EIF2AK2: variants seen among roughly 807,000 people sequenced by gnomAD.
EIF2AK2 encodes the protein eukaryotic translation initiation factor 2 alpha kinase 2.
A neutral mutation model predicts 70.5 loss-of-function variants in EIF2AK2; 40 were observed. That is an observed-to-expected ratio of 0.57 (90% CI 0.44 to 0.74). EIF2AK2 has a LOEUF of 0.74. Among genes scored for constraint, EIF2AK2 ranks in the 30% least tolerant of loss-of-function variants. The pLI is 0.00. For missense variants in EIF2AK2, 555 were observed against 644.3 expected (o/e 0.86, Z 1.50); for synonymous variants, 198 against 220.9 (o/e 0.90, Z 0.92).
At chr2:37,114,651 T>C in intron 14 of EIF2AK2, 80 bp downstream of exon 14, 1 of 1,290,092 alleles carries the variant, frequency 7.8e-7, no homozygotes, top group Non-Finnish European at 1.0e-6. Context: ...ACAGTTTTAA[T>C]TATATAAGTA....
Position 37,122,393 on chromosome 2 carries a change from G to A in EIF2AK2, c.1067+113C>T. The A allele has an allele frequency of 2.6e-6, 3 of 1,161,844 alleles. 1 individual carries two copies. The East Asian group carries it at 7.5e-5, about 29-fold the overall frequency. 72.0% of individuals were successfully genotyped at this position (1,161,844 alleles called of 1,614,324 possible). A position where few individuals can be genotyped will look rare whatever the true frequency, so the allele number is the denominator to read the frequency against. ...TGGAGAGATAACAGTGTCTCTCAGA[G>A]GGAATTGTGATAATTAATCGTGATG... On this transcript the variant is annotated intron_variant, in intron 12 of 16. Transcript: ENST00000233057.
intron 1 of EIF2AK2, chr2:37,149,358 T>C (rs1675664844): frequency 1.6e-6 from 1 of 611,216 alleles, no homozygotes; most frequent in Non-Finnish European, 2.8e-6. Flanking sequence ...AAAATTCGGT[T>C]ACTCTAAGAT....
intron 11 of EIF2AK2, among the ~76,000 whole-genome samples, chr2:37,124,974 C>G (rs946242311): frequency 4.6e-5 from 7 of 151,856 alleles, no homozygotes; most frequent in African/African-American, 1.7e-4. Flanking sequence ...GTGATCCACT[C>G]ACCTCAGCCT....
At chr2:37,147,112 T>C in intron 3 of EIF2AK2, 139 bp from the exon 4 acceptor site, 1 of 745,026 alleles carries the variant, frequency 1.3e-6, no homozygotes, top group African/African-American at 1.8e-5. Flanking sequence ...AGCAGTCACC[T>C]CAAACAGTAA....
At chr2:37,153,866 T>TTCTG (rs1212119851) in intron 1 of EIF2AK2, among the ~76,000 whole-genome samples, 1 of 152,224 alleles carries the variant, frequency 6.6e-6, no homozygotes, top group Non-Finnish European at 1.5e-5. Flanking sequence ...CACATGATAA[T>TTCTG]TCTGTTTAAC....
At chr2:37,127,366 G>A (rs948252552) in intron 10 of EIF2AK2, among the ~76,000 whole-genome samples, 4 of 152,130 alleles carry the variant, frequency 2.6e-5, no homozygotes, top group African/African-American at 9.7e-5. Context: ...GTCTGGCCAT[G>A]TCTCTCTGTT....
intron 8 of EIF2AK2, 125 bp from the exon 9 acceptor site, chr2:37,137,142 A>G (rs1386652494): frequency 1.2e-5 from 8 of 688,878 alleles, no homozygotes; most frequent in Non-Finnish European, 1.9e-5. Flanking sequence ...CAATGTCTGT[A>G]CTCTCATCAA....
rs142997130 is a variant in EIF2AK2 at position 37,116,502 on chromosome 2, G to A, written c.1249-1643C>T. Among the ~76,000 whole-genome samples, 625 of 152,238 alleles carry A rather than the reference G, an allele frequency of 4.1e-3. 2 individuals carry two copies. The highest frequency in any genetic ancestry group is 5.1e-3 in the Non-Finnish European group (347 of 68,022). Reference sequence around the variant, plus strand: ...CTTAGGCTAAACACACAGACTCTACGGGATAACACACTTATGAGAGGGCCT... The same window carrying A: ...CTTAGGCTAAACACACAGACTCTACAGGATAACACACTTATGAGAGGGCCT... On this transcript the variant is annotated intron_variant, in intron 13 of 16. Coordinates refer to ENST00000233057, the MANE Select transcript of EIF2AK2 (RefSeq NM_001135651.3).
rs1675646999 is a variant in EIF2AK2, at chr2:37,148,844, A to C, written c.-17+13T>G. ...CACTTTTCTGAGTGCAAAATTCGGA[A>C]GACCGCTTGTACCTGGTTGGAAGCT... On this transcript the variant is annotated intron_variant, in intron 2 of 16. Transcript: ENST00000233057. 2.4e-6 allele frequency: 2 copies of C among 842,412 alleles called. No homozygotes were observed. Among genetic ancestry groups the C allele is most frequent in the African/African-American group, 3.3e-5 (2 of 60,216 alleles). The allele number at this position is 842,412 out of a possible 1,614,324, so 52.2% of individuals were successfully genotyped here.
chr2:37,150,970 A>G (rs1251579091), intron 1 of EIF2AK2, among the ~76,000 whole-genome samples: 1 of 152,210 alleles, frequency 6.6e-6, no homozygotes, highest in Admixed American at 6.5e-5. Context: ...TAAAATATAA[A>G]TGTACAAGCG....
intron 1 of EIF2AK2, among the ~76,000 whole-genome samples, chr2:37,155,973 A>T (rs1472052625): frequency 1.3e-5 from 2 of 151,832 alleles, no homozygotes; most frequent in Non-Finnish European, 2.9e-5. Flanking sequence ...AAGAAAGAAA[A>T]TGTCACCAGG....
chr2:37,121,337 A>G (rs541853207), intron 12 of EIF2AK2, among the ~76,000 whole-genome samples: 1 of 151,814 alleles, frequency 6.6e-6, no homozygotes, highest in Non-Finnish European at 1.5e-5. Context: ...AAGATCTGCA[A>G]TCACCATTGC....
At position 37,138,336 on chromosome 2, in the gene EIF2AK2, G is replaced by A; in HGVS notation, c.621C>T (p.Asp207=). 2 of 1,613,892 alleles carry A rather than the reference G, an allele frequency of 1.2e-6. No homozygotes were observed. The highest frequency in any genetic ancestry group is 1.1e-5 in the South Asian group (1 of 91,066). ...TTATCTCTGATGTATCTGCTGAGAAGTCACCTTCAGATGATGATTCAGAAG... is the reference window on the plus strand; with the variant it reads ...TTATCTCTGATGTATCTGCTGAGAAATCACCTTCAGATGATGATTCAGAAG... The part of the protein sequence containing the change: ...TLASESSSEG[D]FSADTSEINS... Residue 207 remains aspartate, a synonymous_variant, in exon 8 of 17, where the codon GAC becomes GAT. Coordinates refer to ENST00000233057, the MANE Select transcript of EIF2AK2 (RefSeq NM_001135651.3).
intron 11 of EIF2AK2, among the ~76,000 whole-genome samples, chr2:37,124,610 C>T (rs951199558): frequency 2.0e-5 from 3 of 152,064 alleles, no homozygotes; most frequent in African/African-American, 7.2e-5. Flanking sequence ...GGGGACAGAA[C>T]AAAATATATA....
intron 6 of EIF2AK2, among the ~76,000 whole-genome samples, chr2:37,139,314 C>CAAA (rs111711091): frequency 3.0e-5 from 2 of 67,370 alleles, no homozygotes; most frequent in Admixed American, 1.8e-4. Flanking sequence ...GATTCCATCT[C>CAAA]AAAAAAAAAA....
intron 10 of EIF2AK2, among the ~76,000 whole-genome samples, chr2:37,131,958 T>G (rs1674955779): frequency 6.6e-6 from 1 of 152,162 alleles, no homozygotes; most frequent in South Asian, 2.1e-4. Flanking sequence ...ATGCCCAAAT[T>G]TGGAGCAAGT....
intron 10 of EIF2AK2, among the ~76,000 whole-genome samples, chr2:37,131,634 C>A (rs765803151): frequency 6.6e-6 from 1 of 152,128 alleles, no homozygotes; most frequent in Non-Finnish European, 1.5e-5. Flanking sequence ...ATGCTCTGAT[C>A]TAATTGAAAG....
At position 37,101,888 on chromosome 2, in the gene EIF2AK2, AT is replaced by A. The variant is rs771755395; in HGVS notation, c.*5384del. 6.6e-6 allele frequency: 1 copy of A among 152,172 alleles called. No individual in the cohort carries two copies. The highest frequency in any genetic ancestry group is 1.5e-5 in the Non-Finnish European group (1 of 68,038). The allele number at this position is 152,172 out of a possible 1,614,324, so 9.4% of individuals were successfully genotyped here. A position where few individuals can be genotyped will look rare whatever the true frequency, so the allele number is the denominator to read the frequency against. On this transcript the variant is annotated 3_prime_UTR_variant, in exon 17 of 17. Transcript: ENST00000233057. ...ATGATGCTGTGGTTTTGTTAAAAAG[AT>A]TTATCTGCTAGAGATACATTTTAAA... is the stretch of plus-strand genomic sequence containing the variant.
intron 10 of EIF2AK2, among the ~76,000 whole-genome samples, chr2:37,133,532 A>AC (rs1675021495): frequency 6.6e-6 from 1 of 151,852 alleles, no homozygotes; most frequent in Non-Finnish European, 1.5e-5. Flanking sequence ...CACTACACCC[A>AC]CAGCAGCAAA....
Sources: gnomAD v4.1 joint callset for allele counts (sites outside exome capture counted in the v4.1 genomes callset) on GRCh38, gnomAD v4.1.1 for gene constraint, MANE v1.5 for transcripts, NCBI Gene and HGNC (gene_info 2026-07-23, HGNC 2026-07-21) for gene names.